MIB1: variants seen among roughly 807,000 people sequenced by gnomAD.
MIB1 encodes the protein MIB E3 ubiquitin protein ligase 1, also known as E3 ubiquitin-protein ligase MIB1.
Under a neutral mutation model 124.5 loss-of-function variants are expected in MIB1, and 278 were observed. That is an observed-to-expected ratio of 2.23 (90% CI 2.02 to 2.47). MIB1 has a LOEUF of 2.47. Among genes scored for constraint, MIB1 ranks in the 30% most tolerant of loss-of-function variants. MIB1 has a pLI of 0.00. For synonymous variants in MIB1, 446 were observed against 429.4 expected, an observed-to-expected ratio of 1.04 and a Z score of -0.48; for missense variants, 957 against 1,254.4, an observed-to-expected ratio of 0.76 and a Z score of 3.58.
chr18:21,828,956 A>G lies in MIB1; in HGVS notation c.1829+9310A>G, dbSNP rs762503765. ...TATGACGGTCATTCACGTAGAAAGA[A>G]GCAAGAGCTTCTTTTAGCTCAGTTT... On this transcript the variant is annotated intron_variant, in intron 12 of 20. Coordinates refer to ENST00000261537, the MANE Select transcript of MIB1 (RefSeq NM_020774.4). 1.7e-5 allele frequency: 8 copies of G among 462,932 alleles called. No individual in the cohort carries two copies. In the Admixed American group the frequency reaches 2.0e-4, roughly 12 times the overall value. The allele number at this position is 462,932 out of a possible 1,614,324, so 28.7% of individuals were successfully genotyped here. A position where few individuals can be genotyped will look rare whatever the true frequency, so the allele number is the denominator to read the frequency against.
chr18:21,710,623 G>A (rs2040661392), intron 1 of MIB1, among the ~76,000 whole-genome samples: 1 of 151,846 alleles, frequency 6.6e-6, no homozygotes, highest in African/African-American at 2.4e-5. Flanking sequence ...GGTAGTGCAT[G>A]CCTGTAGTCC....
chr18:21,730,517 G>A lies in MIB1; in HGVS notation n.167+25394G>A, dbSNP rs866201490. On this transcript the variant is annotated intron_variant and non_coding_transcript_variant, in intron 1 of 20. Transcript: ENST00000578646. ...CAGGAGACAGAGGTTGCAGTGAGCC[G>A]AGATCACGCCACTGCACTCCAGCCT... 4.6e-5 allele frequency among the ~76,000 whole-genome samples: 7 copies of A among 152,194 alleles called. No individual in the cohort carries two copies. In the South Asian group the frequency reaches 1.2e-3, roughly 27 times the overall value.
At position 21,768,631 on chromosome 18, in the gene MIB1, T is replaced by TAG. The variant is rs1555689346; in HGVS notation, c.413_414dup (p.Arg140LeufsTer40). The TAG allele has an allele frequency of 1.3e-6, 2 of 1,561,338 alleles. No individual in the cohort carries two copies. The highest frequency in any genetic ancestry group is 3.8e-5 in the Admixed American group (2 of 53,094). ...AATAATTTTATTTTTAGGGTTCTGT[T>TAG]AGAGTCTCGTAGGAAATCTAAGAAG... On this transcript the variant is annotated frameshift_variant, in exon 3 of 21. Coordinates refer to ENST00000261537, the MANE Select transcript of MIB1 (RefSeq NM_020774.4). LOFTEE classifies it high-confidence loss of function.
chr18:21,842,114 A>AG (rs1598638213), intron 13 of MIB1, among the ~76,000 whole-genome samples: 1 of 148,256 alleles, frequency 6.7e-6, no homozygotes, highest in Non-Finnish European at 1.5e-5. Flanking sequence ...AAAAAAAAAA[A>AG]AAAAGAAGAA....
At chr18:21,856,984 A>T in intron 18 of MIB1, 146 bp from the exon 19 acceptor site, 1 of 621,202 alleles carries the variant, frequency 1.6e-6, no homozygotes, top group Non-Finnish European at 2.9e-6. Flanking sequence ...GGTTGATAAC[A>T]TTTTAAGGAG....
intron 7 of MIB1, 32 bp downstream of exon 7, chr18:21,791,589 A>G (rs1457867567): frequency 6.6e-7 from 1 of 1,522,382 alleles, no homozygotes; most frequent in Admixed American, 1.8e-5. Flanking sequence ...CTGGGCTAGA[A>G]ATTACAATAT....
chr18:21,756,323 T>C (rs1462757314), intron 1 of MIB1, among the ~76,000 whole-genome samples: 1 of 152,126 alleles, frequency 6.6e-6, no homozygotes, highest in Non-Finnish European at 1.5e-5. Context: ...CTGTCAGTCA[T>C]TTTTTTCCCT....
chr18:21,717,036 T>C (rs1228119369), intron 1 of MIB1, among the ~76,000 whole-genome samples: 1 of 152,138 alleles, frequency 6.6e-6, no homozygotes, highest in East Asian at 1.9e-4. Flanking sequence ...CCAAACAGCA[T>C]GGTACTGGCA....
intron 1 of MIB1, among the ~76,000 whole-genome samples, chr18:21,729,832 C>T (rs2040759862): frequency 1.3e-5 from 2 of 152,146 alleles, no homozygotes; most frequent in Admixed American, 6.6e-5. Context: ...GCCCTCATCA[C>T]CTAATCACCT....
chr18:21,849,915 G>T (rs1049868805), intron 17 of MIB1, among the ~76,000 whole-genome samples: 7 of 152,088 alleles, frequency 4.6e-5, no homozygotes, highest in Admixed American at 1.3e-4. Context: ...GCTATCTTCT[G>T]TGTTTCCTGT....
intron 13 of MIB1, among the ~76,000 whole-genome samples, chr18:21,841,197 C>G (rs965138601): frequency 6.6e-6 from 1 of 152,178 alleles, no homozygotes; most frequent in Non-Finnish European, 1.5e-5. Flanking sequence ...GAAACCCCTT[C>G]TCTACTAAAA....
intron 1 of MIB1, among the ~76,000 whole-genome samples, chr18:21,758,526 G>A (rs1452699849): frequency 2.6e-5 from 4 of 151,838 alleles, no homozygotes; most frequent in African/African-American, 7.3e-5. Flanking sequence ...TTTAAATAAA[G>A]GTTGACTTGT....
At chr18:21,725,109 A>G (rs12969946) in intron 1 of MIB1, among the ~76,000 whole-genome samples, 7,226 of 150,562 alleles carry the variant, frequency 0.048, 236 homozygotes, top group Non-Finnish European at 0.07. Flanking sequence ...AAAAAAAAAA[A>G]AAAAAAAGAC....
In MIB1 at chr18:21,724,726, AAATATATATATATAT is replaced by A. The variant is rs1323112189; in HGVS notation, n.167+19605_167+19619del. Reference sequence around the variant, plus strand: ...TCTCCCCCATCCAAAAAAAAAAAAAAAATATATATATATATATATATATATATATATATATATATA... The same window carrying A: ...TCTCCCCCATCCAAAAAAAAAAAAAAATATATATATATATATATATATATA... On this transcript the variant is annotated intron_variant and non_coding_transcript_variant, in intron 1 of 20. Transcript: ENST00000578646. Among the ~76,000 whole-genome samples, 19 of 52,828 alleles carry A rather than the reference AAATATATATATATAT, an allele frequency of 3.6e-4. No individual in the cohort carries two copies. In the South Asian group the frequency reaches 7.2e-3, roughly 20 times the overall value. The allele number at this position is 52,828 out of a possible 152,430, so 34.7% of individuals were successfully genotyped here. A position where few individuals can be genotyped will look rare whatever the true frequency, so the allele number is the denominator to read the frequency against.
At chr18:21,761,211 C>G (rs980398689) in intron 1 of MIB1, among the ~76,000 whole-genome samples, 1 of 148,212 alleles carries the variant, frequency 6.7e-6, no homozygotes, top group East Asian at 2.0e-4. Context: ...AAACTATTCT[C>G]GGTCACACAA....
At chr18:21,750,870 T>TA (rs1447227846) in intron 1 of MIB1, among the ~76,000 whole-genome samples, 2 of 152,162 alleles carry the variant, frequency 1.3e-5, no homozygotes, top group African/African-American at 4.8e-5. Flanking sequence ...TCCCCAACCA[T>TA]ACTCCTGTAA....
At chr18:21,736,422 A>G (rs1435350026), upstream of MIB1, among the ~76,000 whole-genome samples, 4 of 152,230 alleles carry the variant, frequency 2.6e-5, no homozygotes, top group East Asian at 7.7e-4. Context: ...CCAGCACAAA[A>G]AGGCTGAAAA....
chr18:21,797,951 C>T (rs888444718), intron 7 of MIB1, 133 bp from the exon 8 acceptor site: 2 of 714,784 alleles, frequency 2.8e-6, no homozygotes, highest in African/African-American at 3.6e-5. Flanking sequence ...TAACCCATTT[C>T]AGTATGGTTA....
intron 3 of MIB1, 85 bp downstream of exon 3, chr18:21,768,837 G>A (rs896197385): frequency 1.2e-5 from 15 of 1,201,796 alleles, no homozygotes; most frequent in Admixed American, 3.3e-5. Flanking sequence ...TGAATTTCTT[G>A]GTCCATTGTT....
Sources: allele counts gnomAD v4.1 joint callset (sites outside exome capture counted in the v4.1 genomes callset), GRCh38; gene constraint gnomAD v4.1.1; transcripts MANE v1.5; gene names NCBI Gene and HGNC (gene_info 2026-07-23, HGNC 2026-07-21).